The following CNTLN variants were observed in gnomAD, a reference collection of about 807,000 sequenced individuals.
CNTLN encodes centlein, centrosomal protein.
CNTLN carries 212 observed loss-of-function variants against 180.0 expected under a neutral mutation model. The observed-to-expected ratio is 1.18, with a 90% CI of 1.05 to 1.32. The LOEUF is 1.32. CNTLN is among the 40% of genes most tolerant of loss of function. The probability of loss-of-function intolerance (pLI) is 0.00; values close to 1 mark genes in which losing one functional copy is unlikely to be tolerated. For synonymous variants in CNTLN, 722 were observed against 563.1 expected, an observed-to-expected ratio of 1.28 and a Z score of -3.99; for missense variants, 2,095 against 1,610.9, an observed-to-expected ratio of 1.30 and a Z score of -5.14.
At chr9:17,361,871 A>T (rs1215575762) in intron 12 of CNTLN, among the ~76,000 whole-genome samples, 2 of 152,202 alleles carry the variant, frequency 1.3e-5, no homozygotes, top group African/African-American at 4.8e-5. Flanking sequence ...TAAGAAATAG[A>T]TTTTAAATTG....
intron 5 of CNTLN, among the ~76,000 whole-genome samples, chr9:17,239,406 T>G (rs1393540531): frequency 6.6e-6 from 1 of 152,148 alleles, no homozygotes; most frequent in Non-Finnish European, 1.5e-5. Flanking sequence ...GAAACTATTT[T>G]TTCTTAAATT....
chr9:17,466,231 A>T (rs1037284049), intron 22 of CNTLN, 113 bp downstream of exon 22: 3 of 827,496 alleles, frequency 3.6e-6, no homozygotes, highest in African/African-American at 3.5e-5. Flanking sequence ...TAAACACTTC[A>T]GATAAGTGCA....
At chr9:17,329,025 A>G (rs998432581) in intron 8 of CNTLN, among the ~76,000 whole-genome samples, 3 of 152,044 alleles carry the variant, frequency 2.0e-5, no homozygotes, top group Non-Finnish European at 4.4e-5. Flanking sequence ...TAATTTTATA[A>G]TATTCCTAGC....
chr9:17,521,457 T>C, the CNTLN span, among the ~76,000 whole-genome samples: 1 of 152,216 alleles, frequency 6.6e-6, no homozygotes, highest in Non-Finnish European at 1.5e-5. Context: ...GCAAGAGACT[T>C]GCTTAATTGA....
intron 2 of CNTLN, 121 bp downstream of exon 2, chr9:17,143,497 T>G: frequency 2.7e-6 from 2 of 733,236 alleles, no homozygotes; most frequent in Non-Finnish European, 2.2e-6. Context: ...TGAATAAATG[T>G]GGAGCTAAAA....
intron 2 of CNTLN, among the ~76,000 whole-genome samples, chr9:17,202,985 T>C (rs1403159646): frequency 6.6e-6 from 1 of 152,140 alleles, no homozygotes; most frequent in East Asian, 1.9e-4. Flanking sequence ...GGTTTTTCCT[T>C]TCCATATTTC....
chr9:17,186,561 A>G (rs1242123492), intron 2 of CNTLN, among the ~76,000 whole-genome samples: 1 of 152,172 alleles, frequency 6.6e-6, no homozygotes, highest in African/African-American at 2.4e-5. Context: ...GTAGTTTAAT[A>G]GTAGGTGCTC....
intron 10 of CNTLN, among the ~76,000 whole-genome samples, chr9:17,337,577 A>G (rs1821136498): frequency 6.6e-6 from 1 of 152,202 alleles, no homozygotes; most frequent in Non-Finnish European, 1.5e-5. Context: ...AGTGCCTAGT[A>G]CAGAGTCTGG....
At chr9:17,242,597 C>T (rs562520988) in intron 5 of CNTLN, among the ~76,000 whole-genome samples, 2 of 152,308 alleles carry the variant, frequency 1.3e-5, no homozygotes, top group East Asian at 3.9e-4. Flanking sequence ...AGGCGTGAGC[C>T]ACCACACCTG....
intron 18 of CNTLN, among the ~76,000 whole-genome samples, chr9:17,440,542 T>C (rs111418205): frequency 6.8e-4 from 94 of 137,784 alleles, no homozygotes; most frequent in African/African-American, 2.1e-3. Flanking sequence ...TGAGCCGAGA[T>C]CACACCACTG....
intron 1 of CNTLN, among the ~76,000 whole-genome samples, chr9:17,140,120 A>C (rs1817981928): frequency 6.6e-6 from 1 of 152,166 alleles, no homozygotes. Flanking sequence ...TTTGGAAACT[A>C]GTTCTGTGTT....
intron 23 of CNTLN, 150 bp from the exon 24 acceptor site, chr9:17,484,145 A>G: frequency 3.2e-6 from 2 of 619,984 alleles, no homozygotes; most frequent in Non-Finnish European, 5.4e-6. Context: ...ACAATAGGTA[A>G]AGAGCAATCC....
chr9:17,204,964 C>T (rs1431666833), intron 2 of CNTLN, among the ~76,000 whole-genome samples: 1 of 152,176 alleles, frequency 6.6e-6, no homozygotes, highest in Non-Finnish European at 1.5e-5. Flanking sequence ...CGGGCCAAAC[C>T]TCCCAGCCTC....
chr9:17,158,277 G>A (rs1473462385), intron 2 of CNTLN, among the ~76,000 whole-genome samples: 2 of 152,034 alleles, frequency 1.3e-5, no homozygotes. Context: ...TTTTTTATAT[G>A]TTCCCGAATT....
At chr9:17,220,676 G>C (rs1824071181) in intron 2 of CNTLN, among the ~76,000 whole-genome samples, 1 of 152,116 alleles carries the variant, frequency 6.6e-6, no homozygotes, top group South Asian at 2.1e-4. Context: ...TTATAGGCGA[G>C]AACATGTTGC....
At chr9:17,491,632 T>C (rs1242291570) in intron 25 of CNTLN, among the ~76,000 whole-genome samples, 2 of 151,998 alleles carry the variant, frequency 1.3e-5, no homozygotes, top group Non-Finnish European at 2.9e-5. Context: ...TTTGTATAGA[T>C]CATTTTCTTC....
intron 6 of CNTLN, among the ~76,000 whole-genome samples, chr9:17,281,164 T>C (rs1053413979): frequency 6.6e-6 from 1 of 152,322 alleles, no homozygotes; most frequent in African/African-American, 2.4e-5. Flanking sequence ...TAAGTTCTTA[T>C]GTTACTCCTA....
chr9:17,519,495 A>G, the CNTLN span, among the ~76,000 whole-genome samples: 5 of 152,336 alleles, frequency 3.3e-5, no homozygotes, highest in East Asian at 7.7e-4. Context: ...AAACATAAAT[A>G]AAACAAAGGT....
chr9:17,388,117 C>A, intron 13 of CNTLN, 45 bp from the exon 14 acceptor site: 1 of 1,227,552 alleles, frequency 8.1e-7, no homozygotes, highest in South Asian at 1.4e-5. Flanking sequence ...GACAGTATTT[C>A]AGCAGTACAC....
Sources: allele counts gnomAD v4.1 joint callset (sites outside exome capture counted in the v4.1 genomes callset), GRCh38; gene constraint gnomAD v4.1.1; transcripts MANE v1.5; gene names NCBI Gene and HGNC (gene_info 2026-07-23, HGNC 2026-07-21).